Variants in CYP4B1 observed in about 807,000 individuals in gnomAD.
The protein encoded by CYP4B1 is cytochrome P450 4B1.
CYP4B1 carries 45 observed loss-of-function variants against 54.0 expected under a neutral mutation model. The ratio of observed to expected loss-of-function variants is 0.83; its 90% CI spans 0.66 to 1.07. CYP4B1 has a LOEUF of 1.07. Among genes scored for constraint, CYP4B1 ranks in the 50% least tolerant of loss-of-function variants. The pLI is 0.00. For missense variants in CYP4B1, 656 were observed against 655.4 expected (o/e 1.00, Z -0.01); for synonymous variants, 248 against 247.5 (o/e 1.00, Z -0.02).
At chr1:46,814,763 T>C (rs1374626927) in intron 7 of CYP4B1, 2 of 410,206 alleles carry the variant, frequency 4.9e-6, no homozygotes, top group African/African-American at 4.1e-5. Flanking sequence ...GGGGAGACAG[T>C]AGGTAGATGT....
chr1:46,807,792 G>A (rs1678919781), intron 1 of CYP4B1, among the ~76,000 whole-genome samples: 2 of 152,244 alleles, frequency 1.3e-5, no homozygotes, highest in African/African-American at 4.8e-5. Flanking sequence ...GCACAGACGG[G>A]TGGCTGGAGG....
chr1:46,800,240 TCCTTCC>T lies in CYP4B1; in HGVS notation c.180+980_180+985del, dbSNP rs1443204190. On this transcript the variant is annotated intron_variant, in intron 1 of 11. Coordinates refer to ENST00000371923, the MANE Select transcript of CYP4B1 (RefSeq NM_001099772.2). ...CTCTTTCTCTCTTTCTTTCTTTCTT[TCCTTCC>T]TTCCTTCCTTCCTTCCTTCCTTCCT... 9.6e-3 allele frequency among the ~76,000 whole-genome samples: 208 copies of T among 21,732 alleles called. 7 individuals carry two copies. Among genetic ancestry groups the T allele is most frequent in the South Asian group, 0.063 (30 of 478 alleles). 14.3% of individuals were successfully genotyped at this position (21,732 alleles called of 152,430 possible).
chr1:46,801,633 C>G (rs1431820840), intron 1 of CYP4B1, among the ~76,000 whole-genome samples: 2 of 152,178 alleles, frequency 1.3e-5, no homozygotes, highest in Non-Finnish European at 2.9e-5. Context: ...CTGCAGTCCT[C>G]AAGGGCTTGG....
At chr1:46,815,542 G>A in intron 8 of CYP4B1, 1 of 292,034 alleles carries the variant, frequency 3.4e-6, no homozygotes, top group Non-Finnish European at 6.3e-6. Context: ...TCTTCTGACG[G>A]TAGAACCTGA....
intron 8 of CYP4B1, among the ~76,000 whole-genome samples, chr1:46,816,110 C>CA (rs1244342277): frequency 1.3e-5 from 2 of 152,136 alleles, no homozygotes; most frequent in Non-Finnish European, 2.9e-5. Context: ...ATCCCCCCCC[C>CA]ACGGGGTATC....
Position 46,812,579 on chromosome 1 carries a change from A to G in CYP4B1, c.451A>G (p.Lys151Glu). The G allele has an allele frequency of 6.2e-7, 1 of 1,613,880 alleles. No individual in the cohort carries two copies. The highest frequency in any genetic ancestry group is 8.5e-7 in the Non-Finnish European group (1 of 1,179,934). Residue 151 changes from lysine to glutamate, a missense_variant, in exon 4 of 12, where the codon AAG becomes GAG. Transcript: ENST00000371923. ...ACCTGGCTTTCATTATGATGTGCTG[A>G]AGCCCTATGTGGCCGTGTTCACTGA... ...LTPGFHYDVL[K>E]PYVAVFTEST... is the part of the protein sequence containing the mutation.
At chr1:46,817,753 G>T (rs1228833183) in intron 9 of CYP4B1, among the ~76,000 whole-genome samples, 2 of 152,186 alleles carry the variant, frequency 1.3e-5, no homozygotes, top group African/African-American at 4.8e-5. Flanking sequence ...TCTATCAGGT[G>T]CTGTACCCAG....
rs555630664 is a variant in CYP4B1, at chr1:46,809,176, T to TA, written c.181-1623dup. Reference sequence around the variant, plus strand: ...AAAAATAAACAATATGCAAAATCCTTAAAAAAAAACAAAACAAAACAAAAC... The same window carrying TA: ...AAAAATAAACAATATGCAAAATCCTTAAAAAAAAAACAAAACAAAACAAAAC... On this transcript the variant is annotated intron_variant, in intron 1 of 11. Coordinates refer to ENST00000371923, the MANE Select transcript of CYP4B1 (RefSeq NM_001099772.2). Among the ~76,000 whole-genome samples, 132 of 142,446 alleles carry TA rather than the reference T, an allele frequency of 9.3e-4. 1 individual carries two copies. The highest frequency in any genetic ancestry group is 3.7e-3 in the Admixed American group (54 of 14,562). 93.5% of individuals were successfully genotyped at this position (142,446 alleles called of 152,430 possible).
chr1:46,814,660 A>G lies in CYP4B1; in HGVS notation c.882+345A>G. On this transcript the variant is annotated intron_variant, in intron 7 of 11. Transcript: ENST00000371923. ...AAGTTCTTTATTCATCAATTCTAGA[A>G]ACTCACTGAGTTCTGACTCTGGGTC... is the stretch of plus-strand genomic sequence containing the variant. 1.2e-5 allele frequency: 4 copies of G among 324,770 alleles called. No homozygotes were observed. In the South Asian group the frequency reaches 1.9e-4, roughly 15 times the overall value. The allele number at this position is 324,770 out of a possible 1,614,324, so 20.1% of individuals were successfully genotyped here.
chr1:46,813,355 T>C lies in CYP4B1; in HGVS notation c.496-127T>C, dbSNP rs923949670. 5.4e-6 allele frequency: 6 copies of C among 1,120,434 alleles called. No individual in the cohort carries two copies. The African/African-American group carries it at 6.1e-5, about 11-fold the overall frequency. 69.4% of individuals were successfully genotyped at this position (1,120,434 alleles called of 1,614,324 possible). ...GCAGGATGGAGGGCAGGACAGGGAC[T>C]GGGAGTGTGTGAAGGGGGCTTGGTG... is the stretch of plus-strand genomic sequence containing the variant. On this transcript the variant is annotated intron_variant, in intron 4 of 11. Transcript: ENST00000371923.
rs758161747 is a variant in CYP4B1 at position 46,812,646 on chromosome 1, C to T, written c.495+23C>T. 15 of 1,608,126 alleles carry T rather than the reference C, an allele frequency of 9.3e-6. No individual in the cohort carries two copies. The Admixed American group carries it at 2.3e-4, about 25-fold the overall frequency. ...CTGGTGAGCTCCCTGTGCCAGAGTA[C>T]TGGAGGCTGTTGCCTGCTGGGCTAG... On this transcript the variant is annotated intron_variant, in intron 4 of 11. Coordinates refer to ENST00000371923, the MANE Select transcript of CYP4B1 (RefSeq NM_001099772.2).
chr1:46,811,165 C>T lies in CYP4B1; in HGVS notation c.348C>T (p.Asp116=), dbSNP rs780556943. ...RGDPKAPDVY[D]FFLQWIGRGL... is the part of the protein sequence containing the mutation. The stretch of plus-strand genomic sequence containing the variant: ...ACCCTAAGGCCCCTGATGTGTATGA[C>T]TTCTTCCTCCAGTGGATTGGTGAGT... The change falls in exon 3 of 12, where the codon GAC becomes GAT. Residue 116 remains aspartate (D), a synonymous_variant. Coordinates refer to ENST00000371923, the MANE Select transcript of CYP4B1 (RefSeq NM_001099772.2). 82 of 1,614,068 alleles carry T rather than the reference C, an allele frequency of 5.1e-5. No individual in the cohort carries two copies. The highest frequency in any genetic ancestry group is 5.3e-5 in the Non-Finnish European group (62 of 1,180,034).
At position 46,814,283 on chromosome 1, in the gene CYP4B1, C is replaced by T; in HGVS notation, c.850C>T (p.Leu284=). ...VRKKIQNRRH[L]DFLDILLGAR... The stretch of plus-strand genomic sequence containing the variant: ...GAAGAAGATCCAGAACCGGAGGCAC[C>T]TGGACTTCCTGGACATTCTCCTGGG... Residue 284 remains leucine (L), a synonymous_variant, in exon 7 of 12, where the codon CTG becomes TTG. Transcript: ENST00000371923. The T allele has an allele frequency of 6.2e-7, 1 of 1,614,070 alleles. No individual in the cohort carries two copies. The highest frequency in any genetic ancestry group is 1.3e-5 in the African/African-American group (1 of 75,042).
rs139750942 is a variant in CYP4B1, at chr1:46,813,940, G to A, written c.652G>A (p.Asp218Asn). Residue 218 changes from aspartate to asparagine, a missense_variant, in exon 6 of 12, where the codon GAT becomes AAT. Coordinates refer to ENST00000371923, the MANE Select transcript of CYP4B1 (RefSeq NM_001099772.2). ...RDSSYYLAVS[D>N]LTLLMQQRLV... The stretch of plus-strand genomic sequence containing the variant: ...CAGCAGCTACTACCTTGCAGTCAGC[G>A]ATCTCACTCTGTTGATGCAGCAGCG... 52 of 1,614,146 alleles carry A rather than the reference G, an allele frequency of 3.2e-5. No homozygotes were observed. Among genetic ancestry groups the A allele is most frequent in the South Asian group, 3.1e-4 (28 of 91,076 alleles).
At chr1:46,817,226 TCCTCTGGCAC>T (rs751298589) in intron 9 of CYP4B1, 45 bp downstream of exon 9, 7 of 1,611,736 alleles carry the variant, frequency 4.3e-6, no homozygotes, top group Non-Finnish European at 5.1e-6. Flanking sequence ...CCCTGCATGC[TCCTCTGGCAC>T]CCTCTGTGCC....
At chr1:46,804,510 G>T (rs775185543) in intron 1 of CYP4B1, among the ~76,000 whole-genome samples, 5 of 151,522 alleles carry the variant, frequency 3.3e-5, no homozygotes, top group Non-Finnish European at 7.4e-5. Context: ...AGAGGGTGAG[G>T]TCTGTGATTT....
At chr1:46,803,228 GA>G (rs1678729755) in intron 1 of CYP4B1, among the ~76,000 whole-genome samples, 1 of 152,230 alleles carries the variant, frequency 6.6e-6, no homozygotes, top group Non-Finnish European at 1.5e-5. Context: ...CGAACAGATT[GA>G]CAGAGGGCAA....
chr1:46,803,736 T>C (rs1678749983), intron 1 of CYP4B1, among the ~76,000 whole-genome samples: 1 of 152,186 alleles, frequency 6.6e-6, no homozygotes, highest in Non-Finnish European at 1.5e-5. Flanking sequence ...TCTGGTTTGC[T>C]GATTTCAATG....
intron 11 of CYP4B1, 137 bp downstream of exon 11, chr1:46,818,350 GCTT>G (rs1365306021): frequency 2.8e-5 from 23 of 829,582 alleles, no homozygotes; most frequent in African/African-American, 2.7e-4. Context: ...AATGCAGGAG[GCTT>G]CTTCTTGCAA....
Sources: allele counts gnomAD v4.1 joint callset (sites outside exome capture counted in the v4.1 genomes callset), GRCh38; gene constraint gnomAD v4.1.1; transcripts MANE v1.5; gene names NCBI Gene and HGNC (gene_info 2026-07-23, HGNC 2026-07-21).